The following LNX2 variants were observed in gnomAD, a reference collection of about 807,000 sequenced individuals.
LNX2 encodes the protein ligand of numb-protein X 2.
LNX2 carries 35 observed loss-of-function variants against 66.2 expected under a neutral mutation model. That is an observed-to-expected ratio of 0.53 (90% CI 0.40 to 0.70). The LOEUF is 0.70. Among genes scored for constraint, LNX2 ranks in the 30% least tolerant of loss-of-function variants. The probability of loss-of-function intolerance (pLI) is 0.00; values close to 1 mark genes in which losing one functional copy is unlikely to be tolerated. For missense variants in LNX2, 791 were observed against 850.8 expected (o/e 0.93, Z 0.87); for synonymous variants, 337 against 315.6 (o/e 1.07, Z -0.72).
chr13:27,569,303 C>T (rs1308097250), intron 2 of LNX2, 27 bp from the exon 3 acceptor site: 2 of 1,593,604 alleles, frequency 1.3e-6, no homozygotes, highest in South Asian at 1.1e-5. Context: ...AGATGGTTTC[C>T]AGATGATTTT....
chr13:27,603,338 TTAAGTTC>T (rs1041866156), intron 1 of LNX2, among the ~76,000 whole-genome samples: 1 of 152,178 alleles, frequency 6.6e-6, no homozygotes, highest in Non-Finnish European at 1.5e-5. Flanking sequence ...CGTCCTCTAA[TTAAGTTC>T]TGGGGGGACC....
intron 9 of LNX2, among the ~76,000 whole-genome samples, chr13:27,550,060 T>C (rs1158416028): frequency 6.6e-6 from 1 of 152,224 alleles, no homozygotes; most frequent in Non-Finnish European, 1.5e-5. Flanking sequence ...CATTTCAGTC[T>C]AGATCGGGAT....
At position 27,562,623 on chromosome 13, in the gene LNX2, G is replaced by GA. The variant is rs761020938; in HGVS notation, c.1013dup (p.Gln339ProfsTer6). 1 of 1,614,140 alleles carries GA rather than the reference G, an allele frequency of 6.2e-7. No homozygotes were observed. The highest frequency in any genetic ancestry group is 2.2e-5 in the East Asian group (1 of 44,866). ...AGTCCCGTTTATGAAGAGCCACTTG[G>GA]AAAATCTCTTCTCGTGGAGAGTTAC... On this transcript the variant is annotated frameshift_variant, in exon 5 of 10. Transcript: ENST00000316334. LOFTEE classifies it high-confidence loss of function.
At position 27,550,416 on chromosome 13, in the gene LNX2, T is replaced by C; in HGVS notation, c.1854A>G (p.Gly618=). ...LGSWGFSIVG[G]YEENHTNQPF... ...GCTGATTGGTGTGGTTCTCTTCATA[T>C]CCACCAACGATACTAAAGCCCCAAC... is the stretch of plus-strand genomic sequence containing the variant. Residue 618 remains glycine (G), a synonymous_variant, in exon 9 of 10, where the codon GGA becomes GGG. Transcript: ENST00000316334. 1.2e-6 allele frequency: 2 copies of C among 1,613,762 alleles called. No individual in the cohort carries two copies. The highest frequency in any genetic ancestry group is 1.7e-6 in the Non-Finnish European group (2 of 1,179,648).
chr13:27,590,841 A>G (rs1208818505), intron 1 of LNX2, among the ~76,000 whole-genome samples: 1 of 152,178 alleles, frequency 6.6e-6, no homozygotes, highest in African/African-American at 2.4e-5. Context: ...TATCTTAACT[A>G]AGAACAAGAT....
intron 1 of LNX2, among the ~76,000 whole-genome samples, chr13:27,590,640 G>A (rs1323778672): frequency 1.3e-5 from 2 of 152,146 alleles, no homozygotes; most frequent in East Asian, 3.9e-4. Flanking sequence ...TTGCCCCAGA[G>A]CCAATCTTAT....
At chr13:27,583,585 C>T (rs539897046) in intron 1 of LNX2, among the ~76,000 whole-genome samples, 3 of 152,200 alleles carry the variant, frequency 2.0e-5, no homozygotes, top group East Asian at 3.9e-4. Flanking sequence ...GCAGCCTCCT[C>T]CAGGGTAGCG....
intron 1 of LNX2, among the ~76,000 whole-genome samples, chr13:27,601,820 A>G (rs1236617800): frequency 6.6e-6 from 1 of 152,154 alleles, no homozygotes; most frequent in Non-Finnish European, 1.5e-5. Flanking sequence ...CAGAGTAGCT[A>G]GGATTACAGG....
At chr13:27,565,900 C>A (rs2138351714) in intron 4 of LNX2, among the ~76,000 whole-genome samples, 1 of 152,292 alleles carries the variant, frequency 6.6e-6, no homozygotes, top group South Asian at 2.1e-4. Context: ...CCCATAGCCC[C>A]AAGTCTAGAG....
At chr13:27,582,910 C>G (rs1230101284) in intron 1 of LNX2, among the ~76,000 whole-genome samples, 1 of 152,104 alleles carries the variant, frequency 6.6e-6, no homozygotes, top group African/African-American at 2.4e-5. Flanking sequence ...ATGACCTTTG[C>G]TCAGCACTAT....
rs1048827892 is a variant in LNX2, at chr13:27,606,732, C to T, written c.-101+13643G>A. Among the ~76,000 whole-genome samples the T allele has an allele frequency of 4.6e-5, 7 of 152,148 alleles. No homozygotes were observed. In the South Asian group the frequency reaches 1.2e-3, roughly 27 times the overall value. On this transcript the variant is annotated intron_variant, in intron 1 of 9. Coordinates refer to ENST00000316334, the MANE Select transcript of LNX2 (RefSeq NM_153371.4). ...GGTAGCTGGGGTGAAGAGCTCACCT[C>T]AGGCTTGTTTTTCATGAAGTATCCA...
chr13:27,548,454 C>T lies in LNX2; in HGVS notation c.1954G>A (p.Val652Met). ...DGRLKCGDMI[V>M]AVNGLSTVGM... ...ACGGTTGACAGCCCATTTACGGCCA[C>T]AATCATGTCACCACACCTGGACAAA... Residue 652 changes from valine (V) to methionine (M), a missense_variant, in exon 10 of 10, where the codon GTG becomes ATG. Transcript: ENST00000316334. 1 of 1,613,968 alleles carries T rather than the reference C, an allele frequency of 6.2e-7. No individual in the cohort carries two copies. The highest frequency in any genetic ancestry group is 8.5e-7 in the Non-Finnish European group (1 of 1,179,944).
At chr13:27,572,516 T>A (rs951796219) in intron 2 of LNX2, among the ~76,000 whole-genome samples, 16 of 152,188 alleles carry the variant, frequency 1.1e-4, no homozygotes, top group Non-Finnish European at 1.9e-4. Context: ...TACATGTAGG[T>A]GTGTTTTTTA....
At position 27,551,505 on chromosome 13, in the gene LNX2, G is replaced by GA. The variant is rs200917392; in HGVS notation, c.1779-1015dup. Among the ~76,000 whole-genome samples the GA allele has an allele frequency of 3.7e-4, 56 of 149,684 alleles. No individual in the cohort carries two copies. The East Asian group carries it at 0.011, about 28-fold the overall frequency. ...AAAAAAAGCACACCTAAATGATAAG[G>GA]AAAAAAAAACTCTTCATAATAAATA... On this transcript the variant is annotated intron_variant, in intron 8 of 9. Transcript: ENST00000316334.
rs151239446 is a variant in LNX2, at chr13:27,613,329, G to A, written c.-101+7046C>T. ...ACTGGCACACTGTTGCTGTGAGGGGGAGGGGGCACTCTAATAGAAAGTGTG... is the reference window on the plus strand; with the variant it reads ...ACTGGCACACTGTTGCTGTGAGGGGAAGGGGGCACTCTAATAGAAAGTGTG... On this transcript the variant is annotated intron_variant, in intron 1 of 9. Transcript: ENST00000316334. Among the ~76,000 whole-genome samples the A allele has an allele frequency of 9.5e-4, 145 of 152,272 alleles. No individual in the cohort carries two copies. The Middle Eastern group carries it at 0.02, about 21-fold the overall frequency.
intron 8 of LNX2, 84 bp downstream of exon 8, chr13:27,553,124 C>A (rs553400303): frequency 2.8e-6 from 3 of 1,086,770 alleles, no homozygotes; most frequent in East Asian, 2.4e-5. Flanking sequence ...TTTATCCCAA[C>A]GAGTAAATTT....
chr13:27,556,658 GCAGT>G (rs1467487530), intron 6 of LNX2, among the ~76,000 whole-genome samples: 2 of 152,134 alleles, frequency 1.3e-5, no homozygotes, highest in South Asian at 2.1e-4. Flanking sequence ...CTGAAATACA[GCAGT>G]CAAAGTAAAA....
intron 6 of LNX2, among the ~76,000 whole-genome samples, chr13:27,557,734 C>G (rs1955080699): frequency 6.6e-6 from 1 of 152,022 alleles, no homozygotes; most frequent in Non-Finnish European, 1.5e-5. Flanking sequence ...AATCTATACT[C>G]TTGAAATTTT....
At chr13:27,593,227 T>C (rs541589800) in intron 1 of LNX2, among the ~76,000 whole-genome samples, 2 of 152,298 alleles carry the variant, frequency 1.3e-5, no homozygotes, top group African/African-American at 4.8e-5. Flanking sequence ...GAAGCCTTTG[T>C]CATTTATCTC....
Sources: allele counts gnomAD v4.1 joint callset (sites outside exome capture counted in the v4.1 genomes callset), GRCh38; gene constraint gnomAD v4.1.1; transcripts MANE v1.5; gene names NCBI Gene and HGNC (gene_info 2026-07-23, HGNC 2026-07-21).